ZNF385D: variants seen among roughly 807,000 people sequenced by gnomAD.
The protein encoded by ZNF385D is zinc finger protein 659.
A neutral mutation model predicts 35.8 loss-of-function variants in ZNF385D; 15 were observed. That is an observed-to-expected ratio of 0.42 (90% confidence interval 0.28 to 0.64). The LOEUF (loss-of-function observed/expected upper bound fraction) is 0.64, where lower values mean the gene tolerates loss of function less well. Among genes scored for constraint, ZNF385D ranks in the 30% least tolerant of loss-of-function variants. The pLI is 0.23. For missense variants in ZNF385D, 474 were observed against 494.6 expected (o/e 0.96, Z 0.39); for synonymous variants, 212 against 186.8 (o/e 1.13, Z -1.10).
chr3:21,833,491 G>A (rs1350241387), intron 3 of ZNF385D, among the ~76,000 whole-genome samples: 3 of 152,142 alleles, frequency 2.0e-5, no homozygotes, highest in Non-Finnish European at 4.4e-5. Context: ...ACAGTCATCA[G>A]AATCTAGAAG....
chr3:21,771,240 A>G (rs2071065801), intron 3 of ZNF385D, among the ~76,000 whole-genome samples: 1 of 151,760 alleles, frequency 6.6e-6, no homozygotes, highest in African/African-American at 2.4e-5. Flanking sequence ...AAAGTATAAT[A>G]ATAAAAAAAA....
At chr3:22,208,168 C>G (rs1160991014) in intron 2 of ZNF385D, among the ~76,000 whole-genome samples, 1 of 151,860 alleles carries the variant, frequency 6.6e-6, no homozygotes, top group South Asian at 2.1e-4. Flanking sequence ...TTTATAATAG[C>G]CAATATTTGA....
At chr3:22,320,576 T>C (rs1694364325) in intron 2 of ZNF385D, among the ~76,000 whole-genome samples, 1 of 150,666 alleles carries the variant, frequency 6.6e-6, no homozygotes, top group South Asian at 2.1e-4. Flanking sequence ...ATAAGTATGT[T>C]TGTATAGAAG....
rs1481895199 is a variant in ZNF385D, at chr3:21,539,535, T to C, written c.276+25039A>G. 6.6e-6 allele frequency among the ~76,000 whole-genome samples: 1 copy of C among 152,212 alleles called. No homozygotes were observed. The highest frequency in any genetic ancestry group is 1.5e-5 in the Non-Finnish European group (1 of 68,018). On this transcript the variant is annotated intron_variant, in intron 3 of 7. Coordinates refer to ENST00000281523, the MANE Select transcript of ZNF385D (RefSeq NM_024697.3). The surrounding 1 kb of genome is among the most constrained non-coding windows in gnomAD (Gnocchi z 4.0). Reference sequence around the variant, plus strand: ...ATCCACATTATTCAGTAATTTCATATGTTAGTTTGTTTTCTTTATGCTTTG... The same window carrying C: ...ATCCACATTATTCAGTAATTTCATACGTTAGTTTGTTTTCTTTATGCTTTG...
At chr3:22,004,543 G>A (rs1254695902) in intron 3 of ZNF385D, among the ~76,000 whole-genome samples, 1 of 152,148 alleles carries the variant, frequency 6.6e-6, no homozygotes. Flanking sequence ...CTGACAAAAG[G>A]CTAATATTCA....
intron 4 of ZNF385D, 100 bp from the exon 5 acceptor site, chr3:21,437,303 A>G: frequency 8.8e-7 from 1 of 1,136,484 alleles, no homozygotes; most frequent in Non-Finnish European, 1.2e-6. Context: ...TTATAATGAT[A>G]AGAGCAGCTA....
intron 1 of ZNF385D, among the ~76,000 whole-genome samples, chr3:21,729,558 A>C (rs1160434045): frequency 6.6e-6 from 1 of 152,160 alleles, no homozygotes; most frequent in Admixed American, 6.5e-5. Context: ...GGTACTTTAA[A>C]GATAAGGTTT....
At chr3:21,524,740 T>G (rs1046676874) in intron 3 of ZNF385D, among the ~76,000 whole-genome samples, 1 of 152,132 alleles carries the variant, frequency 6.6e-6, no homozygotes, top group East Asian at 1.9e-4. Flanking sequence ...CTCCCTGAGT[T>G]AAAATTGTAG....
intron 2 of ZNF385D, among the ~76,000 whole-genome samples, chr3:21,653,361 T>C (rs1283534760): frequency 6.6e-6 from 1 of 152,062 alleles, no homozygotes; most frequent in African/African-American, 2.4e-5. Context: ...TTTCTTTTTT[T>C]GCTACTAAAA....
At chr3:22,034,601 C>A (rs1410788686) in intron 3 of ZNF385D, among the ~76,000 whole-genome samples, 4 of 152,090 alleles carry the variant, frequency 2.6e-5, no homozygotes, top group Non-Finnish European at 5.9e-5. Context: ...ATATTTAAGA[C>A]ATTGTACAAC....
At chr3:21,662,341 A>G (rs977056592) in intron 2 of ZNF385D, among the ~76,000 whole-genome samples, 6 of 152,198 alleles carry the variant, frequency 3.9e-5, no homozygotes, top group Non-Finnish European at 8.8e-5. Flanking sequence ...TCTCCCACCA[A>G]AGCCTTATAA....
chr3:21,485,742 C>A (rs888420452), intron 4 of ZNF385D, among the ~76,000 whole-genome samples: 3 of 151,976 alleles, frequency 2.0e-5, no homozygotes, highest in African/African-American at 7.2e-5. Context: ...ATGTGGCAGG[C>A]CTTATGTTAG....
chr3:21,861,013 T>C (rs757383512), intron 3 of ZNF385D, among the ~76,000 whole-genome samples: 21 of 152,166 alleles, frequency 1.4e-4, no homozygotes, highest in Non-Finnish European at 2.4e-4. Flanking sequence ...AAGTTACCTC[T>C]ATACCTTGCA....
chr3:21,936,728 T>C (rs1417873657), intron 3 of ZNF385D, among the ~76,000 whole-genome samples: 1 of 152,158 alleles, frequency 6.6e-6, no homozygotes, highest in Non-Finnish European at 1.5e-5. Flanking sequence ...TCAAGTTTCT[T>C]GTCCTCATTA....
chr3:21,965,154 G>A (rs1702844268), intron 3 of ZNF385D, among the ~76,000 whole-genome samples: 1 of 152,180 alleles, frequency 6.6e-6, no homozygotes, highest in Non-Finnish European at 1.5e-5. Context: ...GCTTAGAATT[G>A]CAAATTAATA....
chr3:21,673,094 T>A lies in ZNF385D; in HGVS notation c.23-8066A>T, dbSNP rs149927043. 2.9e-3 allele frequency among the ~76,000 whole-genome samples: 440 copies of A among 152,206 alleles called. 4 individuals are homozygous for A. Among genetic ancestry groups the A allele is most frequent in the African/African-American group, 0.01 (428 of 41,546 alleles). ...AGTTTACTGCTAGTGATATAGAATATAAAATCACAAAATTTCCCTCCAGAG... is the reference window on the plus strand; with the variant it reads ...AGTTTACTGCTAGTGATATAGAATAAAAAATCACAAAATTTCCCTCCAGAG... On this transcript the variant is annotated intron_variant, in intron 1 of 7. Coordinates refer to ENST00000281523, the MANE Select transcript of ZNF385D (RefSeq NM_024697.3).
intron 2 of ZNF385D, among the ~76,000 whole-genome samples, chr3:22,311,969 T>C (rs1464909320): frequency 1.3e-5 from 2 of 152,150 alleles, no homozygotes; most frequent in African/African-American, 2.4e-5. Flanking sequence ...TTATGCATTA[T>C]GCAACAAGAC....
At chr3:21,641,498 CTG>C (rs1465206575) in intron 2 of ZNF385D, among the ~76,000 whole-genome samples, 1 of 151,982 alleles carries the variant, frequency 6.6e-6, no homozygotes, top group Non-Finnish European at 1.5e-5. Flanking sequence ...GGTCCCCTTG[CTG>C]TGTAACTCAG....
rs113790524 is a variant in ZNF385D at position 22,038,100 on chromosome 3, T to C, written c.325+130717A>G. Among the ~76,000 whole-genome samples, 350 of 152,274 alleles carry C rather than the reference T, an allele frequency of 2.3e-3. 2 individuals are homozygous for C. The highest frequency in any genetic ancestry group is 7.8e-3 in the African/African-American group (325 of 41,560). On this transcript the variant is annotated intron_variant, in intron 3 of 5. Coordinates refer to the ZNF385D transcript ENST00000494108. ...ATTCAAGATGGATTAAAGACTTAAA[T>C]GTTAGGCACATGAAATTGAACTCCA...
Sources: gnomAD v4.1 joint callset for allele counts (sites outside exome capture counted in the v4.1 genomes callset) on GRCh38, gnomAD v4.1.1 for gene constraint, Gnocchi (gnomAD v3.1) non-coding constraint, MANE v1.5 for transcripts, NCBI Gene and HGNC (gene_info 2026-07-23, HGNC 2026-07-21) for gene names.